The following USP15 variants were observed in gnomAD, a reference collection of about 807,000 sequenced individuals.
USP15 encodes ubiquitin carboxyl-terminal hydrolase 15.
A neutral mutation model predicts 127.1 loss-of-function variants in USP15; 18 were observed. That is an observed-to-expected ratio of 0.14 (90% CI 0.10 to 0.21). The LOEUF (loss-of-function observed/expected upper bound fraction) is 0.21. Among genes scored for constraint, USP15 ranks in the 10% least tolerant of loss-of-function variants. USP15 has a pLI of 1.00. For synonymous variants in USP15, 364 were observed against 393.7 expected (o/e 0.92, Z 0.89); for missense variants, 805 against 1,159.9 (o/e 0.69, Z 4.44).
In USP15 at chr12:62,404,361, A is replaced by G. The variant is rs1047277107; in HGVS notation, c.2932A>G (p.Met978Val). ...NDNDIENENC[M>V]HTN ...CAATGATATAGAAAATGAAAACTGT[A>G]TGCACACTAACTAATGAAAGTCCTA... Residue 978 changes from methionine (M) to valine (V), a missense_variant, in exon 22 of 22, where the codon ATG becomes GTG. Transcript: ENST00000280377. The G allele has an allele frequency of 6.2e-7, 1 of 1,604,028 alleles. No homozygotes were observed.
intron 20 of USP15, among the ~76,000 whole-genome samples, chr12:62,397,855 C>CAA (rs1220245515): frequency 7.6e-6 from 1 of 131,328 alleles, no homozygotes; most frequent in Admixed American, 7.7e-5. Context: ...GACTCTGTCT[C>CAA]AAAAAAAAAA....
In USP15 at chr12:62,395,157, C is replaced by T. The variant is rs185812351; in HGVS notation, c.2571-1138C>T. Reference sequence around the variant, plus strand: ...ACTTCTAAGGAAGTTTTCACTATTCCTGTATTTTTCTTCATATAAATCACT... The same window carrying T: ...ACTTCTAAGGAAGTTTTCACTATTCTTGTATTTTTCTTCATATAAATCACT... On this transcript the variant is annotated intron_variant, in intron 19 of 21. Transcript: ENST00000280377. Among the ~76,000 whole-genome samples, 273 of 152,036 alleles carry T rather than the reference C, an allele frequency of 1.8e-3. 1 individual carries two copies. Among genetic ancestry groups the T allele is most frequent in the African/African-American group, 6.4e-3 (265 of 41,480 alleles).
At position 62,314,827 on chromosome 12, in the gene USP15, T is replaced by C; in HGVS notation, c.386T>C (p.Val129Ala). 1 of 1,593,490 alleles carries C rather than the reference T, an allele frequency of 6.3e-7. No homozygotes were observed. The highest frequency in any genetic ancestry group is 8.5e-7 in the Non-Finnish European group (1 of 1,169,980). Reference sequence around the variant, plus strand: ...GGTATGTTTGTAAAGCACTGCAAAGTAGAAGTATATCTCACAGAATTGAAG... The same window carrying C: ...GGTATGTTTGTAAAGCACTGCAAAGCAGAAGTATATCTCACAGAATTGAAG... ...EQGMFVKHCK[V>A]EVYLTELKLC... Residue 129 changes from valine (V) to alanine (A), a missense_variant, in exon 4 of 22, where the codon GTA (valine) becomes GCA (alanine). Around this residue, in one of 11 missense-constraint regions of USP15, gnomAD observed 69 missense variants for 126.4 expected, o/e 0.55. Transcript: ENST00000280377.
intron 3 of USP15, among the ~76,000 whole-genome samples, chr12:62,313,183 G>T (rs2064734219): frequency 6.6e-6 from 1 of 151,494 alleles, no homozygotes; most frequent in Admixed American, 6.6e-5. Flanking sequence ...CAGTAGTGTG[G>T]ACTTTGAAAT....
intron 8 of USP15, among the ~76,000 whole-genome samples, chr12:62,368,406 G>T (rs891205985): frequency 1.3e-5 from 2 of 152,028 alleles, no homozygotes; most frequent in Admixed American, 6.6e-5. Context: ...ATTAACAGTG[G>T]GGTGTTAAAA....
intron 1 of USP15, among the ~76,000 whole-genome samples, chr12:62,282,026 A>G (rs1170600416): frequency 1.3e-5 from 2 of 152,140 alleles, no homozygotes; most frequent in African/African-American, 4.8e-5. Flanking sequence ...ATGCTTACAT[A>G]TAATAAAGTT....
At chr12:62,270,049 T>C (rs1027794609) in intron 1 of USP15, among the ~76,000 whole-genome samples, 6 of 152,064 alleles carry the variant, frequency 3.9e-5, no homozygotes, top group Non-Finnish European at 5.9e-5. Context: ...TATGTTCTTT[T>C]TTTTAATATA....
chr12:62,323,323 G>T (rs1437204202), intron 5 of USP15, among the ~76,000 whole-genome samples: 1 of 152,060 alleles, frequency 6.6e-6, no homozygotes, highest in Non-Finnish European at 1.5e-5. Flanking sequence ...ATAAATGGAA[G>T]ATTTTTTTGT....
intron 7 of USP15, among the ~76,000 whole-genome samples, 194 bp downstream of exon 7, chr12:62,349,501 T>C (rs2065908835): frequency 6.6e-6 from 1 of 152,066 alleles, no homozygotes; most frequent in South Asian, 2.1e-4. Flanking sequence ...TTAATACATA[T>C]ACTGAAAGAA....
chr12:62,287,650 T>C (rs2063823775), intron 1 of USP15, among the ~76,000 whole-genome samples: 1 of 152,178 alleles, frequency 6.6e-6, no homozygotes, highest in African/African-American at 2.4e-5. Context: ...TGTAGGCCAG[T>C]GAACAGAGAG....
chr12:62,388,117 ATTTTTTTT>A (rs58192089), intron 11 of USP15, among the ~76,000 whole-genome samples: 15 of 106,598 alleles, frequency 1.4e-4, no homozygotes, highest in African/African-American at 3.2e-4. Flanking sequence ...AATGGTGAAG[ATTTTTTTT>A]TTTTTTTTTT....
intron 11 of USP15, among the ~76,000 whole-genome samples, chr12:62,386,626 G>A (rs546270895): frequency 6.6e-6 from 1 of 152,146 alleles, no homozygotes; most frequent in African/African-American, 2.4e-5. Flanking sequence ...TGGGAGAAGA[G>A]GACATGGCCC....
At chr12:62,354,418 T>A (rs1176535377) in intron 7 of USP15, among the ~76,000 whole-genome samples, 1 of 151,892 alleles carries the variant, frequency 6.6e-6, no homozygotes, top group African/African-American at 2.4e-5. Context: ...TTTTTCTAAT[T>A]AATAAAAACA....
At chr12:62,353,478 T>C (rs758467484) in intron 7 of USP15, among the ~76,000 whole-genome samples, 23 of 152,028 alleles carry the variant, frequency 1.5e-4, no homozygotes, top group Non-Finnish European at 2.9e-4. Context: ...CACGTGTGTG[T>C]GTGTGTATAG....
In USP15 at chr12:62,294,171, T is replaced by C. The variant is rs1032601004; in HGVS notation, c.90-8T>C. 2 of 1,609,466 alleles carry C rather than the reference T, an allele frequency of 1.2e-6. No individual in the cohort carries two copies. Among genetic ancestry groups the C allele is most frequent in the Non-Finnish European group, 1.7e-6 (2 of 1,178,680 alleles). On this transcript the variant is annotated splice_polypyrimidine_tract_variant and splice_region_variant and intron_variant, in intron 1 of 21. Coordinates refer to ENST00000280377, the MANE Select transcript of USP15 (RefSeq NM_001252078.2). ...TATTTTCCTTAACCAATTTCTTTTA[T>C]TTTTTAGGTACCTAGTCGATAGTCG...
chr12:62,399,023 A>C (rs1227989154), intron 20 of USP15, among the ~76,000 whole-genome samples: 2 of 152,164 alleles, frequency 1.3e-5, no homozygotes, highest in East Asian at 3.9e-4. Flanking sequence ...TTTAGGTATT[A>C]CAAGTGTTAC....
At chr12:62,332,830 C>G (rs2065345724) in intron 6 of USP15, among the ~76,000 whole-genome samples, 2 of 128,750 alleles carry the variant, frequency 1.6e-5, no homozygotes, top group African/African-American at 5.2e-5. Flanking sequence ...AAATTGATGA[C>G]TGAAACACTA....
intron 17 of USP15, 98 bp from the exon 18 acceptor site, chr12:62,392,174 A>C (rs536072363): frequency 3.6e-6 from 3 of 835,954 alleles, no homozygotes; most frequent in Non-Finnish European, 5.7e-6. Context: ...TCTTTTGAGA[A>C]AGTTTAGGAG....
intron 3 of USP15, among the ~76,000 whole-genome samples, chr12:62,307,805 T>G (rs2064529893): frequency 6.6e-6 from 1 of 152,138 alleles, no homozygotes; most frequent in Non-Finnish European, 1.5e-5. Flanking sequence ...TTGAAGGGCA[T>G]TAGTAGCATA....
Sources: gnomAD v4.1 joint callset for allele counts (sites outside exome capture counted in the v4.1 genomes callset) on GRCh38, gnomAD v4.1.1 for gene constraint, gnomAD v4.1.1 regional missense constraint, MANE v1.5 for transcripts, NCBI Gene and HGNC (gene_info 2026-07-23, HGNC 2026-07-21) for gene names.